RPGRIP1: variants seen among roughly 807,000 people sequenced by gnomAD.
The protein encoded by RPGRIP1 is X-linked retinitis pigmentosa GTPase regulator-interacting protein 1.
Under a neutral mutation model 157.9 loss-of-function variants are expected in RPGRIP1, and 128 were observed. That is an observed-to-expected ratio of 0.81 (90% confidence interval 0.70 to 0.94). The LOEUF (loss-of-function observed/expected upper bound fraction) is 0.94, where lower values mean the gene tolerates loss of function less well. Ranked by LOEUF, RPGRIP1 falls within the 40% of genes least tolerant of loss-of-function variation. RPGRIP1 has a pLI of 0.00. For synonymous variants in RPGRIP1, 554 were observed against 571.6 expected (o/e 0.97, Z 0.44); for missense variants, 1,486 against 1,545.8 (o/e 0.96, Z 0.65).
Position 21,330,407 on chromosome 14 carries a change from A to AT in RPGRIP1, c.3238+28dup, listed in dbSNP as rs751983746. The stretch of plus-strand genomic sequence containing the variant: ...TAAATGGTATTGTCTTTTAAAATCT[A>AT]TTTTTTTTCCTAGCACTTTGGGAGG... On this transcript the variant is annotated intron_variant, in intron 20 of 24. Transcript: ENST00000400017. The AT allele has an allele frequency of 3.0e-4, 440 of 1,454,476 alleles. No individual in the cohort carries two copies. Among genetic ancestry groups the AT allele is most frequent in the Admixed American group, 1.1e-3 (39 of 36,158 alleles). 90.1% of individuals were successfully genotyped at this position (1,454,476 alleles called of 1,614,324 possible).
At chr14:21,291,029 G>A (rs924562218) in intron 2 of RPGRIP1, among the ~76,000 whole-genome samples, 18 of 150,342 alleles carry the variant, frequency 1.2e-4, no homozygotes, top group African/African-American at 3.9e-4. Context: ...ATTCTTTCTC[G>A]TTATGGTTTT....
At chr14:21,344,807 A>T (rs1020889105) in intron 22 of RPGRIP1, among the ~76,000 whole-genome samples, 1 of 152,136 alleles carries the variant, frequency 6.6e-6, no homozygotes, top group Non-Finnish European at 1.5e-5. Context: ...TTAGCCGGGC[A>T]TGGTGGGGTG....
intron 19 of RPGRIP1, among the ~76,000 whole-genome samples, chr14:21,329,987 G>A (rs1238211630): frequency 1.3e-5 from 2 of 150,830 alleles, no homozygotes; most frequent in African/African-American, 2.4e-5. Context: ...GTGTGGTGAC[G>A]GGCTCCTGTA....
intron 23 of RPGRIP1, among the ~76,000 whole-genome samples, chr14:21,346,010 G>C (rs1053960095): frequency 2.0e-5 from 3 of 151,948 alleles, no homozygotes; most frequent in South Asian, 2.1e-4. Flanking sequence ...GTAGAGACAG[G>C]GTTTTGCCAT....
intron 19 of RPGRIP1, among the ~76,000 whole-genome samples, chr14:21,329,099 G>A (rs908730240): frequency 9.4e-5 from 14 of 148,650 alleles, no homozygotes; most frequent in East Asian, 2.0e-4. Flanking sequence ...AGCTAAGATC[G>A]CGCCATTGCA....
intron 21 of RPGRIP1, 131 bp from the exon 22 acceptor site, chr14:21,342,905 G>T: frequency 3.5e-6 from 2 of 568,482 alleles, no homozygotes; most frequent in South Asian, 3.2e-5. Context: ...GGATTCTCAG[G>T]GAATAATATA....
chr14:21,338,296 C>T (rs1884616098), intron 21 of RPGRIP1, among the ~76,000 whole-genome samples: 1 of 152,176 alleles, frequency 6.6e-6, no homozygotes, highest in Non-Finnish European at 1.5e-5. Flanking sequence ...GTTTCTTTAG[C>T]AATAGTGAAT....
Position 21,328,516 on chromosome 14 carries a change from G to A in RPGRIP1, c.2988G>A (p.Glu996=), listed in dbSNP as rs1199971193. 1.9e-6 allele frequency: 3 copies of A among 1,613,624 alleles called. No homozygotes were observed. The highest frequency in any genetic ancestry group is 2.5e-6 in the Non-Finnish European group (3 of 1,179,592). Residue 996 remains glutamate, a synonymous_variant, in exon 19 of 25, where the codon GAG becomes GAA. Coordinates refer to ENST00000400017, the MANE Select transcript of RPGRIP1 (RefSeq NM_020366.4). ...ATGGGGGAGAAAGAAAGGAGAAGGA[G>A]CACCAGGTTGTGAGCTACTCAAGAA... The part of the protein sequence containing the change: ...PPHGGERKEK[E]HQVVSYSRRK...
intron 21 of RPGRIP1, among the ~76,000 whole-genome samples, chr14:21,337,511 G>A (rs990424144): frequency 9.6e-5 from 14 of 145,242 alleles, no homozygotes; most frequent in African/African-American, 3.1e-4. Flanking sequence ...GCGCAATCTC[G>A]GCTTACTGCA....
At chr14:21,336,782 CAAGTAACCAAAAA>C (rs1283375313) in intron 21 of RPGRIP1, among the ~76,000 whole-genome samples, 1 of 152,086 alleles carries the variant, frequency 6.6e-6, no homozygotes, top group Non-Finnish European at 1.5e-5. Context: ...CGCAACCTCT[CAAGTAACCAAAAA>C]AAGCAGCCAG....
At chr14:21,327,602 T>C (rs374764231) in intron 17 of RPGRIP1, 21 bp from the exon 18 acceptor site, 5 of 1,609,226 alleles carry the variant, frequency 3.1e-6, no homozygotes, top group Non-Finnish European at 3.4e-6. Context: ...CAGGTCTTAT[T>C]AATATCTGTT....
chr14:21,348,170 A>G lies in RPGRIP1; in HGVS notation c.3618-2A>G, dbSNP rs1885756197. ...GCTGAATTAAATGCAATTTCTTTTT[A>G]GTTTAAAGTTTACAGTGGTAAGTGA... On this transcript the variant is annotated splice_acceptor_variant, in intron 23 of 24. Coordinates refer to ENST00000400017, the MANE Select transcript of RPGRIP1 (RefSeq NM_020366.4). LOFTEE classifies it high-confidence loss of function. 6.4e-7 allele frequency: 1 copy of G among 1,565,320 alleles called. No individual in the cohort carries two copies. Among genetic ancestry groups the G allele is most frequent in the Non-Finnish European group, 8.6e-7 (1 of 1,157,904 alleles).
chr14:21,292,856 A>G (rs1300763248), intron 2 of RPGRIP1, among the ~76,000 whole-genome samples: 1 of 150,530 alleles, frequency 6.6e-6, no homozygotes, highest in Admixed American at 6.6e-5. Flanking sequence ...TGTCAAAAAA[A>G]TAATAATTAG....
rs1313253487 is a variant in RPGRIP1 at position 21,287,976 on chromosome 14, C to T, written c.-1C>T. 2 of 1,608,532 alleles carry T rather than the reference C, an allele frequency of 1.2e-6. No homozygotes were observed. Among genetic ancestry groups the T allele is most frequent in the African/African-American group, 1.3e-5 (1 of 74,790 alleles). ...TCTCTTACAGCTTGGGAACAGAGAT[C>T]ATGTCACATCTGGTGGACCCTACAT... On this transcript the variant is annotated 5_prime_UTR_variant, in exon 2 of 25. Transcript: ENST00000400017.
intron 18 of RPGRIP1, 127 bp downstream of exon 18, chr14:21,327,934 C>T: frequency 1.5e-6 from 1 of 666,488 alleles, no homozygotes; most frequent in Non-Finnish European, 2.3e-6. Context: ...TTTGGGAGGC[C>T]ATGGCAGGCG....
At chr14:21,281,870 G>A (rs932014307) in intron 1 of RPGRIP1, among the ~76,000 whole-genome samples, 2 of 151,708 alleles carry the variant, frequency 1.3e-5, no homozygotes, top group African/African-American at 2.4e-5. Flanking sequence ...CGAGGCTGGC[G>A]GATCCCAAGG....
intron 18 of RPGRIP1, among the ~76,000 whole-genome samples, chr14:21,328,042 T>C (rs915898055): frequency 6.6e-6 from 1 of 152,088 alleles, no homozygotes; most frequent in African/African-American, 2.4e-5. Context: ...TGGTGGCACA[T>C]GCCTGTAATC....
chr14:21,309,780 A>AT (rs1194532817), intron 7 of RPGRIP1, among the ~76,000 whole-genome samples: 2 of 152,076 alleles, frequency 1.3e-5, no homozygotes, highest in Non-Finnish European at 2.9e-5. Context: ...GATATGATCA[A>AT]TTTTTTTCTC....
intron 14 of RPGRIP1, among the ~76,000 whole-genome samples, chr14:21,322,712 G>A (rs1048656478): frequency 3.3e-5 from 5 of 151,920 alleles, no homozygotes; most frequent in South Asian, 2.1e-4. Context: ...AGTTTTAGTC[G>A]GATAATAGAA....
Sources: allele counts gnomAD v4.1 joint callset (sites outside exome capture counted in the v4.1 genomes callset), GRCh38; gene constraint gnomAD v4.1.1; transcripts MANE v1.5; gene names NCBI Gene and HGNC (gene_info 2026-07-23, HGNC 2026-07-21).